Variants in KCNH5 observed in about 807,000 individuals in gnomAD.
KCNH5 encodes potassium voltage-gated channel subfamily H member 5, also known as voltage-gated delayed rectifier potassium channel KCNH5.
In KCNH5, 46 loss-of-function variants were observed where a neutral mutation model predicts 96.1. The observed-to-expected ratio is 0.48, with a 90% confidence interval of 0.38 to 0.61. The LOEUF (loss-of-function observed/expected upper bound fraction) is 0.61. Among genes scored for constraint, KCNH5 ranks in the 20% least tolerant of loss-of-function variants. The pLI is 0.00. For missense variants in KCNH5, 907 were observed against 1,225.8 expected, an observed-to-expected ratio of 0.74 and a Z score of 3.88; for synonymous variants, 439 against 449.8, an observed-to-expected ratio of 0.98 and a Z score of 0.30.
At position 62,851,523 on chromosome 14, in the gene KCNH5, G is replaced by T. The variant is rs973938933; in HGVS notation, c.1370-1671C>A. On this transcript the variant is annotated intron_variant, in intron 7 of 10. Coordinates refer to ENST00000322893, the MANE Select transcript of KCNH5 (RefSeq NM_139318.5). ...TAAAAAAAAAAAAAAAAACCTAAAG[G>T]TAATCACAGACTTAACATCTCTATT... is the stretch of plus-strand genomic sequence containing the variant. 6.2e-5 allele frequency among the ~76,000 whole-genome samples: 9 copies of T among 144,030 alleles called. No homozygotes were observed. The East Asian group carries it at 1.8e-3, about 29-fold the overall frequency. The allele number at this position is 144,030 out of a possible 152,430, so 94.5% of individuals were successfully genotyped here. A position where few individuals can be genotyped will look rare whatever the true frequency, so the allele number is the denominator to read the frequency against.
chr14:62,728,958 C>T (rs78224718), intron 10 of KCNH5, among the ~76,000 whole-genome samples: 1,582 of 152,316 alleles, frequency 0.01, 22 homozygotes, highest in African/African-American at 0.036. Flanking sequence ...TACTTGAAGT[C>T]AAGTGTTCTC....
At chr14:62,889,770 C>A (rs769856547) in intron 7 of KCNH5, among the ~76,000 whole-genome samples, 36 of 152,146 alleles carry the variant, frequency 2.4e-4, no homozygotes, top group Non-Finnish European at 5.9e-5. Flanking sequence ...AATAAATTAT[C>A]CTGCATAGTA....
intron 2 of KCNH5, among the ~76,000 whole-genome samples, chr14:63,014,080 T>C (rs1891279531): frequency 6.6e-6 from 1 of 152,190 alleles, no homozygotes; most frequent in African/African-American, 2.4e-5. Flanking sequence ...AAAACACATC[T>C]GGCATTTTAT....
At chr14:62,734,816 CTT>C (rs1196117598) in intron 10 of KCNH5, among the ~76,000 whole-genome samples, 1 of 152,098 alleles carries the variant, frequency 6.6e-6, no homozygotes, top group East Asian at 1.9e-4. Context: ...ATAGCCAAAA[CTT>C]AACATCAATT....
intron 7 of KCNH5, among the ~76,000 whole-genome samples, chr14:62,897,775 T>C (rs1345298551): frequency 6.6e-6 from 1 of 152,184 alleles, no homozygotes; most frequent in Admixed American, 6.5e-5. Flanking sequence ...AGTTACAAAA[T>C]ACAGTGGTAT....
At chr14:62,982,269 C>CA (rs1243854410) in intron 5 of KCNH5, among the ~76,000 whole-genome samples, 1 of 151,838 alleles carries the variant, frequency 6.6e-6, no homozygotes, top group Non-Finnish European at 1.5e-5. Context: ...GCAGAGGTTG[C>CA]AGTAAACTGA....
intron 2 of KCNH5, 98 bp downstream of exon 2, chr14:63,016,733 G>C (rs1891333169): frequency 8.8e-7 from 1 of 1,134,074 alleles, no homozygotes; most frequent in East Asian, 2.5e-5. Context: ...TTAACTCTAT[G>C]GTTTGTATAT....
At chr14:62,950,044 C>T in intron 7 of KCNH5, 89 bp downstream of exon 7, 1 of 1,114,744 alleles carries the variant, frequency 9.0e-7, no homozygotes, top group Non-Finnish European at 1.3e-6. Context: ...TTTCTGTAAA[C>T]AAAGTAGTTC....
At chr14:62,728,049 T>C (rs1442907102) in intron 10 of KCNH5, among the ~76,000 whole-genome samples, 1 of 150,538 alleles carries the variant, frequency 6.6e-6, no homozygotes. Context: ...GTCAGTTATA[T>C]GTATGTCTAT....
intron 7 of KCNH5, among the ~76,000 whole-genome samples, chr14:62,889,314 C>T (rs1888658089): frequency 6.6e-6 from 1 of 152,124 alleles, no homozygotes; most frequent in African/African-American, 2.4e-5. Context: ...CAGAATTGAA[C>T]AAAAGGAATG....
chr14:63,022,022 A>G (rs895194989), intron 1 of KCNH5, among the ~76,000 whole-genome samples: 33 of 152,266 alleles, frequency 2.2e-4, no homozygotes, highest in Admixed American at 7.2e-4. Context: ...TATATCTCCA[A>G]ACCAAACCTC....
At chr14:62,734,776 T>A (rs2139928241) in intron 10 of KCNH5, among the ~76,000 whole-genome samples, 1 of 152,324 alleles carries the variant, frequency 6.6e-6, no homozygotes, top group South Asian at 2.1e-4. Context: ...GGTCCTTTTT[T>A]CACAACTGCA....
intron 1 of KCNH5, among the ~76,000 whole-genome samples, chr14:63,032,724 A>G (rs1364673927): frequency 6.6e-6 from 1 of 152,212 alleles, no homozygotes; most frequent in Non-Finnish European, 1.5e-5. Context: ...AATTACCCGG[A>G]TCTTTTCTGA....
chr14:62,912,832 A>C (rs1323210201), intron 7 of KCNH5, among the ~76,000 whole-genome samples: 1 of 152,244 alleles, frequency 6.6e-6, no homozygotes, highest in African/African-American at 2.4e-5. Context: ...AGAAAGCTTC[A>C]ACTATCTTTT....
At chr14:62,913,692 C>T (rs1167463307) in intron 7 of KCNH5, among the ~76,000 whole-genome samples, 1 of 152,004 alleles carries the variant, frequency 6.6e-6, no homozygotes, top group Non-Finnish European at 1.5e-5. Context: ...ATATAAAACC[C>T]AAGCTTAGAT....
intron 5 of KCNH5, among the ~76,000 whole-genome samples, chr14:62,986,337 C>A (rs1890707287): frequency 6.6e-6 from 1 of 152,086 alleles, no homozygotes; most frequent in Admixed American, 6.6e-5. Context: ...TTTTCTGAGG[C>A]ACAAAGGTCA....
intron 3 of KCNH5, among the ~76,000 whole-genome samples, chr14:63,002,038 G>A (rs1475922774): frequency 2.6e-5 from 4 of 152,136 alleles, no homozygotes; most frequent in African/African-American, 9.7e-5. Flanking sequence ...AGAGAGAGAG[G>A]ATGTCAGCAA....
Position 62,700,109 on chromosome 14 carries a change from TGTA to T in KCNH5, c.*7396_*7398del, listed in dbSNP as rs1884324744. On this transcript the variant is annotated 3_prime_UTR_variant, in exon 11 of 11. Coordinates refer to ENST00000322893, the MANE Select transcript of KCNH5 (RefSeq NM_139318.5). ...ATTAGTGTTATAGTAGAATTTACAT[TGTA>T]GTATACAAAATGCCACAACTAGTGT... 6.6e-6 allele frequency: 1 copy of T among 152,196 alleles called. No homozygotes were observed. Among genetic ancestry groups the T allele is most frequent in the African/African-American group, 2.4e-5 (1 of 41,452 alleles). The allele number at this position is 152,196 out of a possible 1,614,324, so 9.4% of individuals were successfully genotyped here.
At chr14:62,986,101 T>C (rs750012276) in intron 5 of KCNH5, among the ~76,000 whole-genome samples, 1 of 152,162 alleles carries the variant, frequency 6.6e-6, no homozygotes, top group African/African-American at 2.4e-5. Context: ...ACCGTGGTCA[T>C]GCTAACTTAC....
Sources: gnomAD v4.1 joint callset for allele counts (sites outside exome capture counted in the v4.1 genomes callset) on GRCh38, gnomAD v4.1.1 for gene constraint, MANE v1.5 for transcripts, NCBI Gene and HGNC (gene_info 2026-07-23, HGNC 2026-07-21) for gene names.